The following WDR64 variants were observed in gnomAD, a reference collection of about 807,000 sequenced individuals.
The protein encoded by WDR64 is WD repeat-containing protein 64.
A neutral mutation model predicts 139.3 loss-of-function variants in WDR64; 112 were observed. That is an observed-to-expected ratio of 0.80 (90% CI 0.69 to 0.94). The LOEUF (loss-of-function observed/expected upper bound fraction) is 0.94. WDR64 is among the 40% of genes least tolerant of loss of function. The pLI, the probability that WDR64 is intolerant of heterozygous loss-of-function variation, is 0.00. For missense variants in WDR64, 1,206 were observed against 1,293.1 expected, an observed-to-expected ratio of 0.93 and a Z score of 1.03; for synonymous variants, 444 against 437.7, an observed-to-expected ratio of 1.01 and a Z score of -0.18.
At chr1:241,728,823 C>T (rs201005373) in intron 10 of WDR64, among the ~76,000 whole-genome samples, 3 of 148,628 alleles carry the variant, frequency 2.0e-5, no homozygotes, top group Non-Finnish European at 3.0e-5. Context: ...TTCTCTTCTT[C>T]TTTTTTTTTT....
rs191617708 is a variant in WDR64 at position 241,734,686 on chromosome 1, G to A, written c.1195-3677G>A. ...TCAAATAGGCTGTGGTTCTTCCCCCGAGAGTTATAGTCTAGTAGAGAAGGC... is the reference window on the plus strand; with the variant it reads ...TCAAATAGGCTGTGGTTCTTCCCCCAAGAGTTATAGTCTAGTAGAGAAGGC... On this transcript the variant is annotated intron_variant, in intron 10 of 27. Transcript: ENST00000437684. Among the ~76,000 whole-genome samples the A allele has an allele frequency of 1.5e-3, 225 of 152,038 alleles. 1 individual carries two copies. Among genetic ancestry groups the A allele is most frequent in the African/African-American group, 5.1e-3 (210 of 41,482 alleles).
chr1:241,759,796 T>C (rs1403178137), intron 15 of WDR64, among the ~76,000 whole-genome samples: 1 of 152,210 alleles, frequency 6.6e-6, no homozygotes, highest in East Asian at 1.9e-4. Context: ...TTCACATTGT[T>C]GCACAACCTT....
intron 2 of WDR64, among the ~76,000 whole-genome samples, chr1:241,663,907 T>A (rs1422407953): frequency 6.6e-6 from 1 of 152,246 alleles, no homozygotes; most frequent in Non-Finnish European, 1.5e-5. Flanking sequence ...GCAGATGGAA[T>A]CATAGCTATT....
At chr1:241,784,976 A>AAAAAAAAAAAAAAACAAG (rs138513526) in intron 23 of WDR64, among the ~76,000 whole-genome samples, 1 of 98,410 alleles carries the variant, frequency 1.0e-5, no homozygotes, top group Non-Finnish European at 2.1e-5. Context: ...AAAAAAAAAA[A>AAAAAAAAAAAAAAACAAG]GAAAGGACAT....
intron 1 of WDR64, among the ~76,000 whole-genome samples, chr1:241,659,015 G>A (rs1403741542): frequency 6.6e-6 from 1 of 151,794 alleles, no homozygotes; most frequent in Non-Finnish European, 1.5e-5. Context: ...CAGGTATCAA[G>A]CCCAATATCC....
intron 15 of WDR64, 33 bp from the exon 16 acceptor site, chr1:241,766,185 T>C: frequency 6.2e-7 from 1 of 1,609,470 alleles, no homozygotes; most frequent in Non-Finnish European, 8.5e-7. Context: ...ATGAATACTA[T>C]ATTTATGGTG....
In WDR64 at chr1:241,744,509, G is replaced by T. The variant is rs373292127; in HGVS notation, c.1587G>T (p.Ala529=). 6.2e-7 allele frequency: 1 copy of T among 1,613,848 alleles called. No homozygotes were observed. The highest frequency in any genetic ancestry group is 8.5e-7 in the Non-Finnish European group (1 of 1,179,944). Residue 529 remains alanine, a synonymous_variant, in exon 13 of 28, where the codon GCG becomes GCT. Coordinates refer to ENST00000437684, the MANE Select transcript of WDR64 (RefSeq NM_001367482.1). ...GTGGATTTCTTTTTGCCACAGGAGC[G>T]TATAATGGTCAGACTAACATCCAGA... ...DESGFLFATG[A]YNGTVRIWDF...
intron 27 of WDR64, among the ~76,000 whole-genome samples, chr1:241,798,404 A>C (rs543138447): frequency 6.6e-6 from 1 of 152,350 alleles, no homozygotes; most frequent in South Asian, 2.1e-4. Flanking sequence ...CCAATTGTGC[A>C]CTTAGTAAGA....
chr1:241,796,772 G>T (rs190550366), intron 27 of WDR64, among the ~76,000 whole-genome samples: 1 of 152,148 alleles, frequency 6.6e-6, no homozygotes, highest in Non-Finnish European at 1.5e-5. Context: ...AGGATTACAG[G>T]CATAAGCCAC....
Position 241,652,294 on chromosome 1 carries a change from C to A in WDR64, c.-191C>A. On this transcript the variant is annotated 5_prime_UTR_variant, in exon 1 of 28. Coordinates refer to ENST00000437684, the MANE Select transcript of WDR64 (RefSeq NM_001367482.1). ...ATGAAATGCATCAGACCTAAATCAG[C>A]TTTCCTCCCTGCTAACATCCTAGTG... 1.7e-6 allele frequency: 1 copy of A among 571,588 alleles called. No individual in the cohort carries two copies. Among genetic ancestry groups the A allele is most frequent in the Non-Finnish European group, 3.1e-6 (1 of 327,634 alleles). The allele number at this position is 571,588 out of a possible 1,614,324, so 35.4% of individuals were successfully genotyped here. A position where few individuals can be genotyped will look rare whatever the true frequency, so the allele number is the denominator to read the frequency against.
chr1:241,665,715 T>C (rs1054259817), intron 2 of WDR64, among the ~76,000 whole-genome samples: 3 of 152,156 alleles, frequency 2.0e-5, no homozygotes, highest in Admixed American at 6.5e-5. Context: ...ATAAAGCTAG[T>C]TAATGGAAAA....
chr1:241,670,372 A>C (rs540605767), intron 2 of WDR64, among the ~76,000 whole-genome samples: 11 of 152,288 alleles, frequency 7.2e-5, no homozygotes, highest in African/African-American at 2.4e-4. Flanking sequence ...TAGCCCTGAA[A>C]AATTCATGGA....
chr1:241,671,029 T>C (rs1015686105), intron 2 of WDR64, 45 bp from the exon 3 acceptor site: 3 of 1,348,742 alleles, frequency 2.2e-6, no homozygotes, highest in Non-Finnish European at 3.1e-6. Context: ...TTATAGCTAA[T>C]TCTGAGGCAT....
intron 13 of WDR64, among the ~76,000 whole-genome samples, chr1:241,747,694 A>T (rs116827994): frequency 7.2e-4 from 110 of 151,918 alleles, no homozygotes; most frequent in African/African-American, 2.6e-3. Context: ...AAGCAAGCTG[A>T]TCTATGAAAT....
chr1:241,727,310 T>C (rs1000066395), intron 10 of WDR64, among the ~76,000 whole-genome samples: 3 of 152,222 alleles, frequency 2.0e-5, no homozygotes, highest in Middle Eastern at 3.2e-3. Context: ...AGAAATAAGA[T>C]ATCTTTCTAG....
In WDR64 at chr1:241,711,698, C is replaced by T. The variant is rs990955273; in HGVS notation, c.975-104C>T. Reference sequence around the variant, plus strand: ...TACGGCCTGGGGGCAAATGGATTTACAACCAACTTAGAAATGAGCCTATCA... The same window carrying T: ...TACGGCCTGGGGGCAAATGGATTTATAACCAACTTAGAAATGAGCCTATCA... On this transcript the variant is annotated intron_variant, in intron 8 of 27. Coordinates refer to ENST00000437684, the MANE Select transcript of WDR64 (RefSeq NM_001367482.1). 17 of 1,207,570 alleles carry T rather than the reference C, an allele frequency of 1.4e-5. No individual in the cohort carries two copies. In the Admixed American group the frequency reaches 2.3e-4, roughly 16 times the overall value. 74.8% of individuals were successfully genotyped at this position (1,207,570 alleles called of 1,614,324 possible).
At chr1:241,782,153 C>T (rs1453321028) in intron 22 of WDR64, among the ~76,000 whole-genome samples, 2 of 152,138 alleles carry the variant, frequency 1.3e-5, no homozygotes, top group African/African-American at 2.4e-5. Context: ...CTGGGCGTGG[C>T]GGCACGTGCC....
At position 241,703,728 on chromosome 1, in the gene WDR64, A is replaced by T. The variant is rs1558480914; in HGVS notation, c.975-8074A>T. On this transcript the variant is annotated intron_variant, in intron 8 of 27. Transcript: ENST00000437684. The surrounding 1 kb of genome is among the most constrained non-coding windows in gnomAD (Gnocchi z 5.9). The stretch of plus-strand genomic sequence containing the variant: ...CACTGCTATAAAGATACTATCTGAG[A>T]CTCAATAATTTGTAAAGGAAAGAGG... 1.3e-5 allele frequency among the ~76,000 whole-genome samples: 2 copies of T among 152,140 alleles called. No homozygotes were observed. Among genetic ancestry groups the T allele is most frequent in the Non-Finnish European group, 2.9e-5 (2 of 68,016 alleles).
chr1:241,767,388 A>C (rs1050527263), intron 16 of WDR64, among the ~76,000 whole-genome samples: 4 of 151,096 alleles, frequency 2.6e-5, no homozygotes, highest in Non-Finnish European at 4.4e-5. Context: ...ACACTGAATG[A>C]TTTGTTTGGA....
Sources: allele counts gnomAD v4.1 joint callset (sites outside exome capture counted in the v4.1 genomes callset), GRCh38; gene constraint gnomAD v4.1.1; non-coding constraint Gnocchi (gnomAD v3.1); transcripts MANE v1.5; gene names NCBI Gene and HGNC (gene_info 2026-07-23, HGNC 2026-07-21).